KCNIP4: variants seen among roughly 807,000 people sequenced by gnomAD.
The protein encoded by KCNIP4 is potassium voltage-gated channel interacting protein 4.
Under a neutral mutation model 34.0 loss-of-function variants are expected in KCNIP4, and 12 were observed. That is an observed-to-expected ratio of 0.35 (90% CI 0.23 to 0.57). The LOEUF (loss-of-function observed/expected upper bound fraction) is 0.57. Among genes scored for constraint, KCNIP4 ranks in the 20% least tolerant of loss-of-function variants. The pLI, the probability that KCNIP4 is intolerant of heterozygous loss-of-function variation, is 0.83. For synonymous variants in KCNIP4, 124 were observed against 102.2 expected (o/e 1.21, Z -1.29); for missense variants, 238 against 311.7 (o/e 0.76, Z 1.78).
intron 1 of KCNIP4, among the ~76,000 whole-genome samples, chr4:21,106,041 ATTGGTC>A (rs1191867915): frequency 6.6e-6 from 1 of 151,538 alleles, no homozygotes; most frequent in Admixed American, 6.6e-5. Flanking sequence ...CATCAAGGAT[ATTGGTC>A]TAAAATTCTC....
Position 21,519,596 on chromosome 4 carries a change from A to G in KCNIP4, c.61+428975T>C, listed in dbSNP as rs10018342. ...CACATATGTGTGTGTATGTATGTGTATATATACACATATGTGTGTGTATGT... is the reference window on the plus strand; with the variant it reads ...CACATATGTGTGTGTATGTATGTGTGTATATACACATATGTGTGTGTATGT... On this transcript the variant is annotated intron_variant, in intron 1 of 8. Transcript: ENST00000382152. Among the ~76,000 whole-genome samples the G allele has an allele frequency of 4.0e-3, 81 of 20,368 alleles. 1 individual carries two copies. Among genetic ancestry groups the G allele is most frequent in the East Asian group, 8.1e-3 (3 of 370 alleles). 13.4% of individuals were successfully genotyped at this position (20,368 alleles called of 152,430 possible).
At chr4:20,835,931 TTAAA>T (rs760099459) in intron 3 of KCNIP4, among the ~76,000 whole-genome samples, 23 of 152,224 alleles carry the variant, frequency 1.5e-4, no homozygotes, top group African/African-American at 5.5e-4. Context: ...AAAATATAGA[TTAAA>T]TACTTTCACT....
At position 20,831,480 on chromosome 4, in the gene KCNIP4, C is replaced by A. The variant is rs991107337; in HGVS notation, c.288+19063G>T. ...AAGAGGGCTCATGGGTACAAACATA[C>A]AGTGAAAAGGACATGGCCACACTTC... On this transcript the variant is annotated intron_variant, in intron 3 of 8. Transcript: ENST00000382152. 4.6e-5 allele frequency among the ~76,000 whole-genome samples: 7 copies of A among 152,246 alleles called. 1 individual carries two copies. The South Asian group carries it at 1.5e-3, about 32-fold the overall frequency.
chr4:21,921,660 A>G (rs1728946948), intron 1 of KCNIP4, among the ~76,000 whole-genome samples: 1 of 152,072 alleles, frequency 6.6e-6, no homozygotes, highest in South Asian at 2.1e-4. Flanking sequence ...CTTTCCTCTC[A>G]GTCCACATCT....
At chr4:21,012,702 A>G (rs1027203352) in intron 1 of KCNIP4, among the ~76,000 whole-genome samples, 1 of 152,242 alleles carries the variant, frequency 6.6e-6, no homozygotes, top group Non-Finnish European at 1.5e-5. Context: ...TAACCAGATT[A>G]GTGTCACAAA....
intron 1 of KCNIP4, among the ~76,000 whole-genome samples, chr4:21,078,240 T>C (rs1260728361): frequency 6.6e-6 from 1 of 152,080 alleles, no homozygotes; most frequent in Non-Finnish European, 1.5e-5. Context: ...AAGGTGATCC[T>C]TAAGTATCTA....
intron 1 of KCNIP4, among the ~76,000 whole-genome samples, chr4:21,840,105 T>G (rs893549138): frequency 6.6e-6 from 1 of 151,258 alleles, no homozygotes; most frequent in Non-Finnish European, 1.5e-5. Flanking sequence ...ACCGCGGAGG[T>G]AAGTTCATTA....
chr4:21,829,817 T>C (rs2109303548), intron 1 of KCNIP4, among the ~76,000 whole-genome samples: 1 of 151,900 alleles, frequency 6.6e-6, no homozygotes, highest in African/African-American at 2.4e-5. Context: ...ACAGTAGTTT[T>C]TATCTATCAA....
At chr4:21,370,414 G>A (rs763520544) in intron 1 of KCNIP4, among the ~76,000 whole-genome samples, 17 of 146,492 alleles carry the variant, frequency 1.2e-4, no homozygotes, top group Admixed American at 2.6e-4. Flanking sequence ...TCCTGCCAAC[G>A]TGGACCTTAT....
Position 21,289,872 on chromosome 4 carries a change from G to A in KCNIP4, c.62-407163C>T, listed in dbSNP as rs185684680. Among the ~76,000 whole-genome samples, 267 of 152,158 alleles carry A rather than the reference G, an allele frequency of 1.8e-3. 1 individual carries two copies. Among genetic ancestry groups the A allele is most frequent in the Non-Finnish European group, 2.1e-3 (143 of 68,006 alleles). On this transcript the variant is annotated intron_variant, in intron 1 of 8. Coordinates refer to ENST00000382152, the MANE Select transcript of KCNIP4 (RefSeq NM_025221.6). ...AGCCACAGACTCCCACTCTATACCC[G>A]CTTCCTCACCCCACCCTTTCCCACA...
At position 20,735,919 on chromosome 4, in the gene KCNIP4, G is replaced by A. The variant is rs1749520342; in HGVS notation, c.430-1184C>T. Among the ~76,000 whole-genome samples the A allele has an allele frequency of 3.3e-5, 5 of 152,308 alleles. No individual in the cohort carries two copies. In the South Asian group the frequency reaches 1.0e-3, roughly 32 times the overall value. ...AATCCACTTTTAGGTAGGAATGAAA[G>A]CAGAGGGGAAATCCAAAAGTCTTCT... On this transcript the variant is annotated intron_variant, in intron 5 of 8. Transcript: ENST00000382152.
chr4:21,796,251 T>C (rs1421708517), intron 1 of KCNIP4, among the ~76,000 whole-genome samples: 1 of 152,148 alleles, frequency 6.6e-6, no homozygotes, highest in African/African-American at 2.4e-5. Context: ...TTTTTCTCTT[T>C]CTCAATTATC....
chr4:21,442,232 A>G (rs891292011), intron 1 of KCNIP4, among the ~76,000 whole-genome samples: 2 of 152,206 alleles, frequency 1.3e-5, no homozygotes, highest in Admixed American at 1.3e-4. Flanking sequence ...ATTCGCCAGG[A>G]GGAAAAAAAA....
intron 1 of KCNIP4, among the ~76,000 whole-genome samples, chr4:21,733,147 C>T (rs1206399602): frequency 6.6e-6 from 1 of 152,100 alleles, no homozygotes; most frequent in South Asian, 2.1e-4. Context: ...GTGTTTTATA[C>T]TTCTCTTCAT....
intron 1 of KCNIP4, among the ~76,000 whole-genome samples, chr4:21,095,700 T>C (rs1165978173): frequency 1.3e-5 from 2 of 152,212 alleles, no homozygotes; most frequent in East Asian, 1.9e-4. Context: ...TTTTAGTTTT[T>C]CTTTAGTTTT....
chr4:21,085,571 T>A (rs540355724), intron 1 of KCNIP4, among the ~76,000 whole-genome samples: 5 of 152,180 alleles, frequency 3.3e-5, no homozygotes, highest in Non-Finnish European at 5.9e-5. Context: ...AACACCCTGG[T>A]GACACCAAGC....
At chr4:21,800,729 A>G (rs959098795) in intron 1 of KCNIP4, among the ~76,000 whole-genome samples, 3 of 152,198 alleles carry the variant, frequency 2.0e-5, no homozygotes, top group African/African-American at 7.2e-5. Context: ...GGAAAATCCA[A>G]TACTACTTAC....
At chr4:20,732,541 A>G in intron 7 of KCNIP4, 140 bp downstream of exon 7, 1 of 664,790 alleles carries the variant, frequency 1.5e-6, no homozygotes, top group South Asian at 1.7e-5. Context: ...AAGCTATTAA[A>G]TTAATAGGAT....
At chr4:21,697,217 AC>A in intron 1 of KCNIP4, 1 of 1,239,882 alleles carries the variant, frequency 8.1e-7, no homozygotes, top group Non-Finnish European at 1.0e-6. Context: ...CTCAGCAAAT[AC>A]AGTTGCATTT....
Sources: allele counts gnomAD v4.1 joint callset (sites outside exome capture counted in the v4.1 genomes callset), GRCh38; gene constraint gnomAD v4.1.1; transcripts MANE v1.5; gene names NCBI Gene and HGNC (gene_info 2026-07-23, HGNC 2026-07-21).